The following BABAM1 variants were observed in gnomAD, a reference collection of about 807,000 sequenced individuals.
The protein encoded by BABAM1 is BRISC and BRCA1 A complex member 1.
BABAM1 carries 14 observed loss-of-function variants against 34.4 expected under a neutral mutation model. That is an observed-to-expected ratio of 0.41 (90% CI 0.27 to 0.64). The LOEUF (loss-of-function observed/expected upper bound fraction) is 0.64, where lower values mean the gene tolerates loss of function less well. Among genes scored for constraint, BABAM1 ranks in the 30% least tolerant of loss-of-function variants. The probability of loss-of-function intolerance (pLI) is 0.34; values close to 1 mark genes in which losing one functional copy is unlikely to be tolerated. For missense variants in BABAM1, 393 were observed against 434.0 expected, an observed-to-expected ratio of 0.91 and a Z score of 0.84; for synonymous variants, 169 against 165.8, an observed-to-expected ratio of 1.02 and a Z score of -0.15.
Position 17,278,923 on chromosome 19 carries a change from C to G in BABAM1, c.865C>G (p.Leu289Val). 1 of 1,613,464 alleles carries G rather than the reference C, an allele frequency of 6.2e-7. No homozygotes were observed. The highest frequency in any genetic ancestry group is 1.3e-5 in the African/African-American group (1 of 75,058). The stretch of plus-strand genomic sequence containing the variant: ...TGAGGTGGCACTGGCTGGGCCAGCC[C>G]TGGAGTTGCACAACTGCATGGCGAA... ...KYEVALAGPA[L>V]ELHNCMAKLL... Residue 289 changes from leucine to valine, a missense_variant, in exon 9 of 9, where the codon CTG (leucine) becomes GTG (valine). Coordinates refer to ENST00000598188, the MANE Select transcript of BABAM1 (RefSeq NM_014173.4).
At chr19:17,268,756 G>T (rs138467832) in intron 1 of BABAM1, 38 bp from the exon 2 acceptor site, 1 of 1,525,738 alleles carries the variant, frequency 6.6e-7, no homozygotes, top group East Asian at 2.3e-5. Flanking sequence ...AAACTCCAAG[G>T]GGAGGATTCT....
At chr19:17,275,086 G>T (rs932289034) in intron 5 of BABAM1, among the ~76,000 whole-genome samples, 2 of 151,834 alleles carry the variant, frequency 1.3e-5, no homozygotes. Context: ...TGAATGTTTT[G>T]TAGAGATGGG....
chr19:17,276,707 G>A, intron 7 of BABAM1, 83 bp downstream of exon 7: 1 of 1,558,248 alleles, frequency 6.4e-7, no homozygotes, highest in Non-Finnish European at 8.7e-7. Flanking sequence ...CAACCACAGA[G>A]GCTGGGGTGC....
intron 3 of BABAM1, among the ~76,000 whole-genome samples, chr19:17,273,559 GTTTTGTTTTT>G (rs1568334543): frequency 0.11 from 2,821 of 24,548 alleles, 90 homozygotes; most frequent in African/African-American, 0.2. Flanking sequence ...TTTTTTGTTT[GTTTTGTTTTT>G]TTTTTTTTTT....
intron 3 of BABAM1, among the ~76,000 whole-genome samples, chr19:17,272,444 C>T (rs570997081): frequency 3.3e-5 from 5 of 149,802 alleles, no homozygotes; most frequent in South Asian, 2.2e-4. Context: ...CTCGCTCTGT[C>T]GCCCAATCTG....
intron 1 of BABAM1, among the ~76,000 whole-genome samples, chr19:17,268,202 G>C (rs927776790): frequency 4.6e-5 from 7 of 151,474 alleles, no homozygotes; most frequent in African/African-American, 1.7e-4. Flanking sequence ...TCAGTGGCCA[G>C]AGAGCTGGGA....
chr19:17,274,500 G>A (rs924240789), intron 5 of BABAM1: 38 of 341,896 alleles, frequency 1.1e-4, no homozygotes, highest in Non-Finnish European at 1.7e-4. Flanking sequence ...TCCGGGAGGC[G>A]GAGGTTGCAG....
chr19:17,272,736 A>C (rs2073857027), intron 3 of BABAM1, among the ~76,000 whole-genome samples: 1 of 151,856 alleles, frequency 6.6e-6, no homozygotes, highest in African/African-American at 2.4e-5. Context: ...AGGAAAAAAG[A>C]AGCCGGGCTT....
rs549358370 is a variant in BABAM1, at chr19:17,278,689, G to T, written c.787-156G>T. ...GGGTCCATGGCGGGGAATGTTTGCT[G>T]AATGTGTGAATGGTTTCTGCTTGGC... On this transcript the variant is annotated intron_variant, in intron 8 of 8. Transcript: ENST00000598188. Among the ~76,000 whole-genome samples the T allele has an allele frequency of 1.1e-4, 16 of 152,308 alleles. No individual in the cohort carries two copies. In the East Asian group the frequency reaches 3.1e-3, roughly 29 times the overall value.
chr19:17,269,380 C>T (rs754843273), intron 2 of BABAM1, among the ~76,000 whole-genome samples: 153 of 109,098 alleles, frequency 1.4e-3, no homozygotes, highest in Admixed American at 2.1e-3. Flanking sequence ...GATGGAGTTT[C>T]GCTCTTGTTG....
At position 17,276,599 on chromosome 19, in the gene BABAM1, A is replaced by T. The variant is rs770529132; in HGVS notation, c.674A>T (p.Gln225Leu). 16 of 1,606,462 alleles carry T rather than the reference A, an allele frequency of 1.0e-5. No homozygotes were observed. The Admixed American group carries it at 1.9e-4, about 19-fold the overall frequency. ...LVYSRPPCQP[Q>L]FSLTEPMKKM... ...TACAGCCGTCCACCTTGCCAGCCCC[A>T]GTTCTCCTTGACGGAGCCCATGAAG... Residue 225 changes from glutamine to leucine, a missense_variant, in exon 7 of 9, where the codon CAG (glutamine) becomes CTG (leucine). By Grantham distance (113) the Gln-to-Leu change is moderately radical (BLOSUM62 -2). Transcript: ENST00000598188.
Position 17,267,496 on chromosome 19 carries a change from TAGA to T in BABAM1, c.-42_-40del, listed in dbSNP as rs1568331944. 1 of 152,212 alleles carries T rather than the reference TAGA, an allele frequency of 6.6e-6. No homozygotes were observed. The highest frequency in any genetic ancestry group is 6.6e-5 in the Admixed American group (1 of 15,264). 9.4% of individuals were successfully genotyped at this position (152,212 alleles called of 1,614,324 possible). On this transcript the variant is annotated 5_prime_UTR_variant, in exon 1 of 9. Coordinates refer to ENST00000598188, the MANE Select transcript of BABAM1 (RefSeq NM_014173.4). ...CTTCCTAGTGAGTCGGCGGCTGATTTAGAAGGAGGTTCAGGCTACGGTGAGCCG... is the reference window on the plus strand; with the variant it reads ...CTTCCTAGTGAGTCGGCGGCTGATTTAGGAGGTTCAGGCTACGGTGAGCCG...
At position 17,268,600 on chromosome 19, in the gene BABAM1, T is replaced by G. The variant is rs768748505; in HGVS notation, c.-13-194T>G. The stretch of plus-strand genomic sequence containing the variant: ...ATGCGCCACCACGCCCGGCTAATTT[T>G]GTATTTTTAGTTGAGACGGGGTTTC... On this transcript the variant is annotated intron_variant, in intron 1 of 8. Coordinates refer to ENST00000598188, the MANE Select transcript of BABAM1 (RefSeq NM_014173.4). 27 of 536,992 alleles carry G rather than the reference T, an allele frequency of 5.0e-5. 1 individual carries two copies. The highest frequency in any genetic ancestry group is 8.0e-5 in the Non-Finnish European group (25 of 313,476). The allele number at this position is 536,992 out of a possible 1,614,324, so 33.3% of individuals were successfully genotyped here.
chr19:17,275,445 C>G (rs973078692), intron 5 of BABAM1, among the ~76,000 whole-genome samples: 1 of 152,182 alleles, frequency 6.6e-6, no homozygotes, highest in Non-Finnish European at 1.5e-5. Context: ...CATGTGCCAT[C>G]AGGCCCAGCT....
Position 17,279,136 on chromosome 19 carries a change from G to C in BABAM1, c.*88G>C. The C allele has an allele frequency of 7.1e-7, 1 of 1,404,892 alleles. No homozygotes were observed. Among genetic ancestry groups the C allele is most frequent in the South Asian group, 1.4e-5 (1 of 73,578 alleles). The allele number at this position is 1,404,892 out of a possible 1,614,324, so 87.0% of individuals were successfully genotyped here. On this transcript the variant is annotated 3_prime_UTR_variant, in exon 9 of 9. Coordinates refer to ENST00000598188, the MANE Select transcript of BABAM1 (RefSeq NM_014173.4). ...CAAACTGGGTTCCTTGGGACCTCCG[G>C]GGTGGGGGGGTTCCAGGAGGCACGT... is the stretch of plus-strand genomic sequence containing the variant.
At chr19:17,270,610 C>T (rs2073829349) in intron 2 of BABAM1, among the ~76,000 whole-genome samples, 1 of 150,328 alleles carries the variant, frequency 6.7e-6, no homozygotes, top group Admixed American at 6.6e-5. Context: ...ACTGCAACCT[C>T]CGGCTCCCTG....
At chr19:17,271,202 C>G (rs949417970) in intron 2 of BABAM1, among the ~76,000 whole-genome samples, 1 of 152,008 alleles carries the variant, frequency 6.6e-6, no homozygotes, top group Admixed American at 6.6e-5. Flanking sequence ...GTTGGCCAGG[C>G]TGGTCTCAAA....
chr19:17,274,836 GT>G (rs1689539381), intron 5 of BABAM1, among the ~76,000 whole-genome samples: 1 of 141,498 alleles, frequency 7.1e-6, no homozygotes. Context: ...AATGGTGAGA[GT>G]TTTTTCCAGG....
intron 1 of BABAM1, among the ~76,000 whole-genome samples, chr19:17,267,927 C>T (rs2073787904): frequency 6.6e-6 from 1 of 151,922 alleles, no homozygotes; most frequent in South Asian, 2.1e-4. Context: ...CTCAATCTGG[C>T]TTAAGGAAGA....
Sources: gnomAD v4.1 joint callset for allele counts (sites outside exome capture counted in the v4.1 genomes callset) on GRCh38, gnomAD v4.1.1 for gene constraint, MANE v1.5 for transcripts, NCBI Gene and HGNC (gene_info 2026-07-23, HGNC 2026-07-21) for gene names.